DMD: variants seen among roughly 807,000 people sequenced by gnomAD.
DMD encodes mutant dystrophin.
DMD carries 63 observed loss-of-function variants against 330.1 expected under a neutral mutation model. That is an observed-to-expected ratio of 0.19 (90% confidence interval 0.16 to 0.24). The LOEUF is 0.24. Ranked by LOEUF, DMD falls within the 10% of genes least tolerant of loss-of-function variation. DMD has a pLI of 1.00. For synonymous variants in DMD, 1,223 were observed against 959.8 expected (o/e 1.27, Z -5.07); for missense variants, 3,344 against 2,684.1 (o/e 1.25, Z -5.43).
At chrX:33,108,704 C>T (rs1321582139) in intron 1 of DMD, among the ~76,000 whole-genome samples, 2 of 105,161 alleles carry the variant, frequency 1.9e-5, no homozygotes, top group Non-Finnish European at 3.9e-5. Flanking sequence ...GGTGAAACCT[C>T]GTCTCTACTA....
chrX:32,514,253 A>G (rs1045525865), intron 18 of DMD, among the ~76,000 whole-genome samples: 1 of 105,866 alleles, frequency 9.4e-6, no homozygotes, highest in South Asian at 4.1e-4. Flanking sequence ...AAAAAAAAAA[A>G]GATACTATGA....
chrX:31,175,812 C>T (rs2040446458), intron 71 of DMD, among the ~76,000 whole-genome samples: 2 of 111,347 alleles, frequency 1.8e-5, no homozygotes, highest in African/African-American at 6.5e-5. Context: ...TAAAAGCTGA[C>T]ATTCATTTAG....
intron 48 of DMD, among the ~76,000 whole-genome samples, chrX:31,849,346 A>G (rs758242906): frequency 1.8e-5 from 2 of 111,221 alleles, no homozygotes; most frequent in South Asian, 7.5e-4. Context: ...CAGGTCAGGT[A>G]TAACAACTAG....
At chrX:32,337,666 G>A (rs769891178) in intron 41 of DMD, among the ~76,000 whole-genome samples, 33 of 110,100 alleles carry the variant, frequency 3.0e-4, no homozygotes, top group Non-Finnish European at 4.7e-4. Context: ...CCATTATCTC[G>A]AATAAGTCTT....
At chrX:31,405,051 T>A (rs2061350155) in intron 60 of DMD, among the ~76,000 whole-genome samples, 1 of 111,813 alleles carries the variant, frequency 8.9e-6, no homozygotes, top group Admixed American at 9.5e-5. Context: ...TCGGCACTAT[T>A]CCTGGAAGAA....
At chrX:31,928,372 A>G (rs2149981659) in intron 47 of DMD, among the ~76,000 whole-genome samples, 1 of 111,602 alleles carries the variant, frequency 9.0e-6, no homozygotes, top group African/African-American at 3.3e-5. Context: ...TGGGAGTCCA[A>G]GGTGGGCGGA....
At chrX:31,859,843 C>T (rs1353997717) in intron 48 of DMD, among the ~76,000 whole-genome samples, 1 of 112,162 alleles carries the variant, frequency 8.9e-6, no homozygotes, top group African/African-American at 3.2e-5. Flanking sequence ...TTATTTTCTA[C>T]CAACAGTCAA....
chrX:32,322,993 G>A (rs2097627222), intron 41 of DMD, among the ~76,000 whole-genome samples: 1 of 112,189 alleles, frequency 8.9e-6, no homozygotes, highest in African/African-American at 3.2e-5. Context: ...TAAAACTGAA[G>A]TACAGTTGGC....
intron 44 of DMD, among the ~76,000 whole-genome samples, chrX:32,107,996 A>G (rs1035204409): frequency 1.8e-5 from 2 of 111,125 alleles, no homozygotes; most frequent in Non-Finnish European, 3.8e-5. Flanking sequence ...ATGATACTCA[A>G]TGCTCATATG....
chrX:32,501,767 G>T lies in DMD; in HGVS notation c.2368C>A (p.Gln790Lys). Residue 790 changes from glutamine to lysine, a missense_variant, in exon 19 of 79, where the codon CAG becomes AAG. Coordinates refer to ENST00000357033, the MANE Select transcript of DMD (RefSeq NM_004006.3). ...ASRSAQALVE[Q>K]MVNEGVNADS... ...CTCGTGTAATTACCATTCACCATCT[G>T]TTCCACCAGGGCCTGAGCTGATCTG... 1 of 1,206,782 alleles carries T rather than the reference G, an allele frequency of 8.3e-7. No homozygotes were observed. Among genetic ancestry groups the T allele is most frequent in the South Asian group, 1.8e-5 (1 of 56,409 alleles).
intron 19 of DMD, among the ~76,000 whole-genome samples, chrX:32,496,678 G>A (rs138422289): frequency 3.6e-5 from 4 of 112,676 alleles, no homozygotes; most frequent in East Asian, 2.8e-4. Context: ...CTGCGCATGC[G>A]AGTTCACCCG....
At chrX:32,429,166 C>G (rs4829122) in intron 29 of DMD, among the ~76,000 whole-genome samples, 1 of 103,124 alleles carries the variant, frequency 9.7e-6, no homozygotes, top group African/African-American at 3.5e-5. Context: ...GCAAATAGTT[C>G]TAGGACTACA....
At chrX:32,134,059 A>G (rs974939989) in intron 44 of DMD, among the ~76,000 whole-genome samples, 4 of 112,025 alleles carry the variant, frequency 3.6e-5, no homozygotes, top group Non-Finnish European at 7.5e-5. Flanking sequence ...TTCTCAATGA[A>G]GAATACCATG....
rs1176086032 is a variant in DMD at position 31,726,200 on chromosome X, G to C, written c.7660+3431C>G. Among the ~76,000 whole-genome samples, 3 of 112,427 alleles carry C rather than the reference G, an allele frequency of 2.7e-5. No homozygotes were observed. In the East Asian group the frequency reaches 8.4e-4, roughly 31 times the overall value. ...TCAATATAATTACCTGAATACAACAGATACCACGGTAATAGTTTCATATAG... is the reference window on the plus strand; with the variant it reads ...TCAATATAATTACCTGAATACAACACATACCACGGTAATAGTTTCATATAG... On this transcript the variant is annotated intron_variant, in intron 52 of 78. Transcript: ENST00000357033.
chrX:31,568,870 C>T (rs1176239201), intron 55 of DMD, among the ~76,000 whole-genome samples: 2 of 111,000 alleles, frequency 1.8e-5, no homozygotes, highest in Non-Finnish European at 3.8e-5. Context: ...GTTATTTGAA[C>T]ATTTCTTAAG....
At chrX:31,824,213 T>C (rs767290035) in intron 49 of DMD, among the ~76,000 whole-genome samples, 14 of 111,647 alleles carry the variant, frequency 1.3e-4, no homozygotes, top group Non-Finnish European at 2.5e-4. Context: ...AACATGGGTA[T>C]GTATGTGAAA....
At chrX:33,006,151 G>A (rs1047540040) in intron 2 of DMD, among the ~76,000 whole-genome samples, 3 of 111,754 alleles carry the variant, frequency 2.7e-5, no homozygotes, top group Non-Finnish European at 5.7e-5. Context: ...ACTCAATATT[G>A]TAAAGAAGTC....
At chrX:32,809,919 CAAAAAAAAA>C (rs55898363) in intron 6 of DMD, among the ~76,000 whole-genome samples, 1,367 of 28,697 alleles carry the variant, frequency 0.048, 23 homozygotes, top group South Asian at 0.21. Context: ...TTGTTTCTAC[CAAAAAAAAA>C]AAAAAAAAAA....
At chrX:32,075,774 C>T (rs2096339847) in intron 44 of DMD, among the ~76,000 whole-genome samples, 2 of 109,607 alleles carry the variant, frequency 1.8e-5, no homozygotes, top group Non-Finnish European at 3.8e-5. Context: ...TAGGGATGCG[C>T]GCAGCAGCTG....
Sources: allele counts gnomAD v4.1 joint callset (sites outside exome capture counted in the v4.1 genomes callset), GRCh38; gene constraint gnomAD v4.1.1; transcripts MANE v1.5; gene names NCBI Gene and HGNC (gene_info 2026-07-23, HGNC 2026-07-21).